The following SRPRA variants were observed in gnomAD, a reference collection of about 807,000 sequenced individuals.
SRPRA encodes SRP receptor subunit alpha, also known as signal recognition particle receptor subunit alpha.
Under a neutral mutation model 61.1 loss-of-function variants are expected in SRPRA, and 30 were observed. The observed-to-expected ratio is 0.49, with a 90% CI of 0.37 to 0.67. The LOEUF (loss-of-function observed/expected upper bound fraction) is 0.67, where lower values mean the gene tolerates loss of function less well. Ranked by LOEUF, SRPRA falls within the 30% of genes least tolerant of loss-of-function variation. SRPRA has a pLI of 0.00. For missense variants in SRPRA, 759 were observed against 828.4 expected (o/e 0.92, Z 1.03); for synonymous variants, 324 against 299.7 (o/e 1.08, Z -0.84).
At chr11:126,254,701 A>G in the SRPRA span, among the ~76,000 whole-genome samples, 1 of 152,218 alleles carries the variant, frequency 6.6e-6, no homozygotes, top group African/African-American at 2.4e-5. Flanking sequence ...ATCATGGTGC[A>G]TGCTGTCCCA....
In SRPRA at chr11:126,267,434, TG is replaced by T; in HGVS notation, c.366-100del. On this transcript the variant is annotated intron_variant, in intron 3 of 13. Transcript: ENST00000332118. This position sits in a 1 kb window ranked among gnomAD's most constrained non-coding sequence, Gnocchi z 4.2. The stretch of plus-strand genomic sequence containing the variant: ...TCACACCCAAGAGGACAATGAGAAC[TG>T]GGTAGCAAATTAGGAATGTCTTTGA... 2 of 1,586,558 alleles carry T rather than the reference TG, an allele frequency of 1.3e-6. No individual in the cohort carries two copies. Among genetic ancestry groups the T allele is most frequent in the South Asian group, 2.3e-5 (2 of 87,748 alleles).
At chr11:126,246,812 G>A in the SRPRA span, among the ~76,000 whole-genome samples, 1 of 152,138 alleles carries the variant, frequency 6.6e-6, no homozygotes, top group African/African-American at 2.4e-5. Context: ...AATGGGAAAA[G>A]GCCCTTAGAA....
intron 5 of SRPRA, 46 bp from the exon 6 acceptor site, chr11:126,266,675 A>G (rs746984242): frequency 1.2e-6 from 2 of 1,608,804 alleles, no homozygotes; most frequent in Admixed American, 3.4e-5. Flanking sequence ...GAAGTAGGAA[A>G]GGAAACATGA....
downstream of SRPRA, chr11:126,261,479 TAA>T (rs1475990762): frequency 6.2e-7 from 1 of 1,611,996 alleles, no homozygotes; most frequent in East Asian, 2.2e-5. Flanking sequence ...CACAGTGAAA[TAA>T]GAGGTATACT....
the SRPRA span, among the ~76,000 whole-genome samples, chr11:126,247,368 A>T: frequency 6.6e-6 from 1 of 152,172 alleles, no homozygotes; most frequent in African/African-American, 2.4e-5. Context: ...TCCTATGTTG[A>T]TATGTAGGAT....
chr11:126,241,119 G>T, the SRPRA span: 2 of 1,424,812 alleles, frequency 1.4e-6, no homozygotes, highest in Non-Finnish European at 1.9e-6. Flanking sequence ...TGATTTGGCT[G>T]TCAAAACTAG....
chr11:126,266,010 C>T lies in SRPRA; in HGVS notation c.1004G>A (p.Arg335His), dbSNP rs1240004560. The T allele has an allele frequency of 6.8e-6, 11 of 1,614,178 alleles. No homozygotes were observed. The highest frequency in any genetic ancestry group is 2.2e-5 in the East Asian group (1 of 44,892). ...KGLVGSKSLSREDMESVLDKM... is the reference protein window; with the variant it reads ...KGLVGSKSLSHEDMESVLDKM... ...GTCCAGCACAGATTCCATGTCTTCA[C>T]GACTCAAGCTCTTTGAACCCACAAG... is the stretch of plus-strand genomic sequence containing the variant. The change falls in exon 8 of 14, where the codon CGT becomes CAT. Residue 335 changes from arginine to histidine, a missense_variant. Transcript: ENST00000332118.
chr11:126,265,042 T>G lies in SRPRA; in HGVS notation c.1442A>C (p.His481Pro). ...CAACTGCACCATGGTGCGGCCACCA[T>G]GCTTCTCTGGAGGGTGTAGGGCACT... ...RLSALHPPEKHGGRTMVQLFE... is the reference protein window; with the variant it reads ...RLSALHPPEKPGGRTMVQLFE... Residue 481 changes from histidine to proline, a missense_variant, in exon 11 of 14, where the codon CAT (histidine) becomes CCT (proline). Coordinates refer to ENST00000332118, the MANE Select transcript of SRPRA (RefSeq NM_003139.4). The surrounding 1 kb of genome is among the most constrained non-coding windows in gnomAD (Gnocchi z 6.3). 3 of 1,614,214 alleles carry G rather than the reference T, an allele frequency of 1.9e-6. No homozygotes were observed.
the SRPRA span, among the ~76,000 whole-genome samples, chr11:126,237,015 C>G: frequency 6.8e-6 from 1 of 147,024 alleles, no homozygotes; most frequent in Non-Finnish European, 1.5e-5. Flanking sequence ...CTCCCGGGTT[C>G]ACACCATTCT....
chr11:126,265,015 A>G lies in SRPRA; in HGVS notation c.1469T>C (p.Phe490Ser). ...AGCATCCTTGCCATAGCCCTTTTCAAACAACTGCACCATGGTGCGGCCACC... is the reference window on the plus strand; with the variant it reads ...AGCATCCTTGCCATAGCCCTTTTCAGACAACTGCACCATGGTGCGGCCACC... ...KHGGRTMVQL[F>S]EKGYGKDAAG... Residue 490 changes from phenylalanine (F) to serine (S), a missense_variant, in exon 11 of 14, where the codon TTT becomes TCT. This residue lies in a region of SRPRA where 284 missense variants were observed against 365.9 expected (regional missense o/e 0.78). Transcript: ENST00000332118. The surrounding 1 kb of genome is among the most constrained non-coding windows in gnomAD (Gnocchi z 6.3). 1 of 1,614,202 alleles carries G rather than the reference A, an allele frequency of 6.2e-7. No homozygotes were observed. The highest frequency in any genetic ancestry group is 8.5e-7 in the Non-Finnish European group (1 of 1,180,034).
the SRPRA span, among the ~76,000 whole-genome samples, chr11:126,238,768 A>G: frequency 1.3e-5 from 2 of 152,114 alleles, no homozygotes; most frequent in Non-Finnish European, 2.9e-5. Flanking sequence ...AACATTCCCA[A>G]AATTCTACCA....
the SRPRA span, among the ~76,000 whole-genome samples, chr11:126,239,581 T>C: frequency 6.6e-6 from 1 of 152,202 alleles, no homozygotes. Flanking sequence ...TGTTCATGGA[T>C]ACATGACTCC....
the SRPRA span, chr11:126,256,886 G>C: frequency 2.0e-5 from 31 of 1,574,098 alleles, no homozygotes; most frequent in Admixed American, 3.6e-5. This position sits in a 1 kb window ranked among gnomAD's most constrained non-coding sequence, Gnocchi z 6.6. Flanking sequence ...GGGAATCAGA[G>C]AACAACAGCT....
the SRPRA span, among the ~76,000 whole-genome samples, chr11:126,257,067 A>G: frequency 6.6e-6 from 1 of 152,238 alleles, no homozygotes; most frequent in Non-Finnish European, 1.5e-5. Flanking sequence ...CAATATAGAC[A>G]TAGGAAGAAT....
chr11:126,268,223 G>A, intron 1 of SRPRA, 137 bp from the exon 2 acceptor site: 1 of 692,272 alleles, frequency 1.4e-6, no homozygotes, highest in South Asian at 1.8e-5. Flanking sequence ...GAGGATGTTG[G>A]GGCACTTCTC....
intron 1 of SRPRA, 99 bp from the exon 2 acceptor site, chr11:126,268,185 C>T: frequency 3.9e-6 from 4 of 1,013,758 alleles, no homozygotes; most frequent in Non-Finnish European, 6.1e-6. Context: ...AAACATTTCC[C>T]CCAAACTCAA....
In SRPRA at chr11:126,265,859, C is replaced by G; in HGVS notation, c.1052-36G>C. The G allele has an allele frequency of 6.2e-7, 1 of 1,613,460 alleles. No homozygotes were observed. Among genetic ancestry groups the G allele is most frequent in the Non-Finnish European group, 8.5e-7 (1 of 1,179,342 alleles). ...GGGGACAGGTATGTCAGTTCCATGT[C>G]AGCAATGACCAATCTTTATGGTACA... On this transcript the variant is annotated intron_variant, in intron 8 of 13. Coordinates refer to ENST00000332118, the MANE Select transcript of SRPRA (RefSeq NM_003139.4). This position sits in a 1 kb window ranked among gnomAD's most constrained non-coding sequence, Gnocchi z 6.3.
At position 126,267,477 on chromosome 11, in the gene SRPRA, C is replaced by T; in HGVS notation, c.365+72G>A. On this transcript the variant is annotated intron_variant, in intron 3 of 13. Coordinates refer to ENST00000332118, the MANE Select transcript of SRPRA (RefSeq NM_003139.4). This position sits in a 1 kb window ranked among gnomAD's most constrained non-coding sequence, Gnocchi z 4.2. ...TGTCTTTGAACACATCAATTTACCA[C>T]CTTTGAACCACCTTCAGAGAGGTCA... 6.2e-7 allele frequency: 1 copy of T among 1,600,282 alleles called. No individual in the cohort carries two copies. Among genetic ancestry groups the T allele is most frequent in the Non-Finnish European group, 8.5e-7 (1 of 1,171,786 alleles).
chr11:126,236,989 T>A, the SRPRA span, among the ~76,000 whole-genome samples: 2 of 145,312 alleles, frequency 1.4e-5, no homozygotes, highest in Non-Finnish European at 3.0e-5. Flanking sequence ...CTATCTCGGC[T>A]CATTGCAAGC....
Sources: gnomAD v4.1 joint callset for allele counts (sites outside exome capture counted in the v4.1 genomes callset) on GRCh38, gnomAD v4.1.1 for gene constraint, gnomAD v4.1.1 regional missense constraint, Gnocchi (gnomAD v3.1) non-coding constraint, MANE v1.5 for transcripts, NCBI Gene and HGNC (gene_info 2026-07-23, HGNC 2026-07-21) for gene names.